ZNF577: variants seen among roughly 807,000 people sequenced by gnomAD.
ZNF577 encodes zinc finger protein 577.
Under a neutral mutation model 13.9 loss-of-function variants are expected in ZNF577, and 14 were observed. That is an observed-to-expected ratio of 1.00 (90% CI 0.66 to 1.57). The LOEUF is 1.57. Among genes scored for constraint, ZNF577 ranks in the 40% most tolerant of loss-of-function variants. The pLI is 0.00. For missense variants in ZNF577, 555 were observed against 579.2 expected (o/e 0.96, Z 0.43); for synonymous variants, 203 against 202.9 (o/e 1.00, Z 0.00).
At chr19:51,815,525 C>T (rs914329134) in intron 9 of ZNF577, among the ~76,000 whole-genome samples, 6 of 150,318 alleles carry the variant, frequency 4.0e-5, no homozygotes, top group African/African-American at 7.4e-5. Flanking sequence ...GCCAAGATCC[C>T]GCCACTGCAC....
At position 51,873,379 on chromosome 19, in the gene ZNF577, T is replaced by G; in HGVS notation, c.611A>C (p.His204Pro). 1 of 1,614,248 alleles carries G rather than the reference T, an allele frequency of 6.2e-7. No individual in the cohort carries two copies. The stretch of plus-strand genomic sequence containing the variant: ...CTTCTCTCCTGTGTGAGTTCTCTGA[T>G]GCTCAGTGAGCTGAATCTTCCTCAT... ...TFMRKIQLTE[H>P]QRTHTGEKPH... The change falls in exon 6 of 6, where the codon CAT (histidine) becomes CCT (proline). Residue 204 changes from histidine to proline, a missense_variant. Transcript: ENST00000638348.
In ZNF577 at chr19:51,824,685, C is replaced by T. The variant is rs918702023; in HGVS notation, c.*600-13011G>A. The T allele has an allele frequency of 1.9e-6, 3 of 1,613,976 alleles. No homozygotes were observed. The highest frequency in any genetic ancestry group is 2.7e-5 in the African/African-American group (2 of 74,898). On this transcript the variant is annotated intron_variant and NMD_transcript_variant, in intron 9 of 10. Transcript: ENST00000638827. The surrounding 1 kb of genome is among the most constrained non-coding windows in gnomAD (Gnocchi z 4.7). ...TATGGGTCGTAACTTCCAAGAAAGACTGATTCGCTCTTTGCCCACTAGTTT... is the reference window on the plus strand; with the variant it reads ...TATGGGTCGTAACTTCCAAGAAAGATTGATTCGCTCTTTGCCCACTAGTTT...
chr19:51,856,247 A>T (rs2084418235), intron 5 of ZNF577, among the ~76,000 whole-genome samples: 1 of 152,226 alleles, frequency 6.6e-6, no homozygotes, highest in Admixed American at 6.5e-5. Flanking sequence ...TTTACAAGTA[A>T]ATACCCTAAG....
chr19:51,805,795 C>T lies in ZNF577; in HGVS notation c.*818-541G>A, dbSNP rs1310049269. Among the ~76,000 whole-genome samples the T allele has an allele frequency of 3.3e-5, 5 of 152,212 alleles. No homozygotes were observed. In the East Asian group the frequency reaches 5.8e-4, roughly 18 times the overall value. On this transcript the variant is annotated intron_variant and NMD_transcript_variant, in intron 10 of 10. Transcript: ENST00000638827. The stretch of plus-strand genomic sequence containing the variant: ...GAAGTTATTAGTGTGACCAAGGAAA[C>T]GATAGCAAAAATTATCATGCCTAAG...
intron 9 of ZNF577, among the ~76,000 whole-genome samples, chr19:51,823,377 C>T (rs977606177): frequency 2.6e-5 from 4 of 152,104 alleles, no homozygotes; most frequent in Admixed American, 2.0e-4. Flanking sequence ...GTGATGGAGG[C>T]CACAGATGTG....
chr19:51,887,251 A>G lies in ZNF577; in HGVS notation c.-649T>C, dbSNP rs2084960918. The G allele has an allele frequency of 6.6e-6, 1 of 152,200 alleles. No homozygotes were observed. Among genetic ancestry groups the G allele is most frequent in the Non-Finnish European group, 1.5e-5 (1 of 68,032 alleles). The allele number at this position is 152,200 out of a possible 1,614,324, so 9.4% of individuals were successfully genotyped here. Reference sequence around the variant, plus strand: ...CATCAATTCTACCCAAATTAAAGCAACCACTTGATGAAACTGCAGCAATTT... The same window carrying G: ...CATCAATTCTACCCAAATTAAAGCAGCCACTTGATGAAACTGCAGCAATTT... On this transcript the variant is annotated 5_prime_UTR_variant, in exon 1 of 6. Transcript: ENST00000638348.
chr19:51,811,928 C>T (rs946243752), intron 9 of ZNF577, among the ~76,000 whole-genome samples: 2 of 152,108 alleles, frequency 1.3e-5, no homozygotes, highest in Non-Finnish European at 2.9e-5. Context: ...ATGGGGTCTT[C>T]GGCTCCCTGC....
intron 5 of ZNF577, among the ~76,000 whole-genome samples, chr19:51,853,608 T>C (rs1385511390): frequency 6.6e-6 from 1 of 152,210 alleles, no homozygotes. Context: ...CGGGAGTCTA[T>C]GTAGTAGAGC....
In ZNF577 at chr19:51,824,529, G is replaced by A; in HGVS notation, c.*600-12855C>T. ...CTGTTGGTTCCCTTATGAACTAATTGGCATTCTAATGGCAGTCTGGCTCAA... is the reference window on the plus strand; with the variant it reads ...CTGTTGGTTCCCTTATGAACTAATTAGCATTCTAATGGCAGTCTGGCTCAA... On this transcript the variant is annotated intron_variant and NMD_transcript_variant, in intron 9 of 10. Coordinates refer to the ZNF577 transcript ENST00000638827. This position sits in a 1 kb window ranked among gnomAD's most constrained non-coding sequence, Gnocchi z 4.7. The A allele has an allele frequency of 6.2e-7, 1 of 1,614,000 alleles. No individual in the cohort carries two copies.
intron 5 of ZNF577, among the ~76,000 whole-genome samples, chr19:51,849,390 G>C (rs1003706317): frequency 4.6e-5 from 7 of 152,184 alleles, no homozygotes; most frequent in African/African-American, 1.7e-4. Context: ...GTGCAATGGT[G>C]TTGGGAAGTG....
In ZNF577 at chr19:51,878,495, A is replaced by G. The variant is rs2084804624; in HGVS notation, c.81T>C (p.Asp27=). 1 of 1,614,022 alleles carries G rather than the reference A, an allele frequency of 6.2e-7. No homozygotes were observed. Among genetic ancestry groups the G allele is most frequent in the Non-Finnish European group, 8.5e-7 (1 of 1,179,990 alleles). ...SSGEGSLSFE[D]VAVGFTREEW... ...CCTCCCTGGTGAAGCCCACAGCCAC[A>G]TCTTCGAATGACAATGACCCCTATA... The change falls in exon 4 of 6, where the codon GAT becomes GAC. Residue 27 remains aspartate, a synonymous_variant. Transcript: ENST00000638348.
At chr19:51,848,745 G>T (rs573349527) in intron 5 of ZNF577, among the ~76,000 whole-genome samples, 100 of 152,246 alleles carry the variant, frequency 6.6e-4, no homozygotes, top group Non-Finnish European at 1.2e-3. Context: ...TGATGCAGGA[G>T]TCAACTTCCT....
intron 9 of ZNF577, among the ~76,000 whole-genome samples, chr19:51,821,274 A>C (rs559336910): frequency 1.3e-5 from 2 of 152,314 alleles, no homozygotes; most frequent in South Asian, 4.1e-4. Context: ...AAGAGTAGCG[A>C]TCTAACTGAC....
At chr19:51,816,006 G>A (rs901132952) in intron 9 of ZNF577, among the ~76,000 whole-genome samples, 1 of 151,986 alleles carries the variant, frequency 6.6e-6, no homozygotes, top group Non-Finnish European at 1.5e-5. Context: ...GTTTGAGGCT[G>A]CAGTGAGCTG....
intron 1 of ZNF577, chr19:51,886,042 T>C (rs2084940542): frequency 6.6e-6 from 1 of 152,152 alleles, no homozygotes; most frequent in African/African-American, 2.4e-5. Context: ...CACAAAAGAA[T>C]GTGTACCTTA....
At chr19:51,883,516 AGTC>A (rs2084896542) in intron 1 of ZNF577, among the ~76,000 whole-genome samples, 1 of 152,136 alleles carries the variant, frequency 6.6e-6, no homozygotes, top group African/African-American at 2.4e-5. Context: ...AGGTTTGATT[AGTC>A]CCATGTTCAA....
At chr19:51,809,770 C>T (rs1342651800) in intron 10 of ZNF577, among the ~76,000 whole-genome samples, 10 of 152,174 alleles carry the variant, frequency 6.6e-5, no homozygotes, top group Admixed American at 2.6e-4. Context: ...CCCCAACTAA[C>T]ATTACCCATT....
At chr19:51,813,687 C>T (rs1464644426) in intron 9 of ZNF577, among the ~76,000 whole-genome samples, 13 of 152,078 alleles carry the variant, frequency 8.5e-5, no homozygotes, top group Admixed American at 7.2e-4. Flanking sequence ...CCTGCCACCA[C>T]GCCCAGCTAA....
At chr19:51,818,620 C>T (rs1443775891) in intron 9 of ZNF577, among the ~76,000 whole-genome samples, 1 of 152,108 alleles carries the variant, frequency 6.6e-6, no homozygotes, top group Non-Finnish European at 1.5e-5. Flanking sequence ...TATAAATATT[C>T]AGAAAGAGCC....
Sources: allele counts gnomAD v4.1 joint callset (sites outside exome capture counted in the v4.1 genomes callset), GRCh38; gene constraint gnomAD v4.1.1; non-coding constraint Gnocchi (gnomAD v3.1); transcripts MANE v1.5; gene names NCBI Gene and HGNC (gene_info 2026-07-23, HGNC 2026-07-21).